ZMIZ1: variants seen among roughly 807,000 people sequenced by gnomAD.
ZMIZ1 encodes the protein zinc finger MIZ domain-containing protein 1.
Under a neutral mutation model 113.9 loss-of-function variants are expected in ZMIZ1, and 17 were observed. The ratio of observed to expected loss-of-function variants is 0.15; its 90% confidence interval spans 0.10 to 0.22. The LOEUF (loss-of-function observed/expected upper bound fraction) is 0.22. ZMIZ1 is among the 10% of genes least tolerant of loss of function. The probability of loss-of-function intolerance (pLI) is 1.00; values close to 1 mark genes in which losing one functional copy is unlikely to be tolerated. For missense variants in ZMIZ1, 1,059 were observed against 1,477.8 expected (o/e 0.72, Z 4.65); for synonymous variants, 607 against 603.1 (o/e 1.01, Z -0.09).
At chr10:79,165,840 C>G (rs1000545432) in intron 4 of ZMIZ1, among the ~76,000 whole-genome samples, 2 of 151,278 alleles carry the variant, frequency 1.3e-5, no homozygotes, top group Non-Finnish European at 2.9e-5. Context: ...CCAGCTCCCC[C>G]TAGGCGGGCC....
intron 7 of ZMIZ1, among the ~76,000 whole-genome samples, chr10:79,230,270 C>T (rs1003207532): frequency 6.6e-6 from 1 of 151,964 alleles, no homozygotes; most frequent in Non-Finnish European, 1.5e-5. Context: ...ACCACTGCTC[C>T]GTGCACCACA....
At chr10:79,242,914 TACTC>T (rs1163636609) in intron 7 of ZMIZ1, among the ~76,000 whole-genome samples, 6 of 151,606 alleles carry the variant, frequency 4.0e-5, no homozygotes, top group Admixed American at 1.3e-4. Flanking sequence ...CTCCGATTCA[TACTC>T]GCTCGCGCTC....
rs1382181190 is a variant in ZMIZ1 at position 79,297,682 on chromosome 10, G to A, written c.1483G>A (p.Val495Ile). Residue 495 changes from valine (V) to isoleucine (I), a missense_variant, in exon 14 of 25, where the codon GTC becomes ATC. Physicochemically the swap from Val to Ile is conservative, Grantham distance 29. Around this residue, in one of 6 missense-constraint regions of ZMIZ1, gnomAD observed 239 missense variants for 247.5 expected, o/e 0.97. Transcript: ENST00000334512. ...SSYSNYSQGNVNRPPRPVPVA... is the reference protein window; with the variant it reads ...SSYSNYSQGNINRPPRPVPVA... ...CTACAGTAACTACAGCCAAGGGAAT[G>A]TCAACAGGGTATGTTCCAATTTAAT... is the stretch of plus-strand genomic sequence containing the variant. The A allele has an allele frequency of 1.9e-6, 3 of 1,613,888 alleles. No individual in the cohort carries two copies. Among genetic ancestry groups the A allele is most frequent in the Admixed American group, 1.7e-5 (1 of 60,008 alleles).
intron 1 of ZMIZ1, among the ~76,000 whole-genome samples, chr10:79,093,301 ATTTATT>A (rs1292317605): frequency 3.0e-5 from 2 of 67,270 alleles, no homozygotes; most frequent in Admixed American, 2.4e-4. Flanking sequence ...TTATTTATTT[ATTTATT>A]TATTTATTTA....
At chr10:79,194,032 A>T (rs562249223) in intron 4 of ZMIZ1, among the ~76,000 whole-genome samples, 1 of 152,332 alleles carries the variant, frequency 6.6e-6, no homozygotes, top group East Asian at 1.9e-4. Context: ...CTGGACCCCT[A>T]GGCTTTCCCT....
At chr10:79,253,664 G>A (rs4980052) in intron 7 of ZMIZ1, among the ~76,000 whole-genome samples, 46,855 of 152,104 alleles carry the variant, frequency 0.31, 8,108 homozygotes, top group Middle Eastern at 0.4. Context: ...TGTCCACCAG[G>A]GCACTGGCAA....
intron 8 of ZMIZ1, among the ~76,000 whole-genome samples, chr10:79,284,528 G>A (rs1048251018): frequency 6.6e-6 from 1 of 152,236 alleles, no homozygotes; most frequent in Non-Finnish European, 1.5e-5. Flanking sequence ...GTATCCTGAA[G>A]TAAACAGGGG....
chr10:79,206,107 A>G lies in ZMIZ1; in HGVS notation c.61-2229A>G, dbSNP rs555119201. Among the ~76,000 whole-genome samples the G allele has an allele frequency of 4.6e-3, 656 of 142,584 alleles. 9 individuals are homozygous for G. Among genetic ancestry groups the G allele is most frequent in the African/African-American group, 0.016 (636 of 38,918 alleles). The allele number at this position is 142,584 out of a possible 152,430, so 93.5% of individuals were successfully genotyped here. A position where few individuals can be genotyped will look rare whatever the true frequency, so the allele number is the denominator to read the frequency against. On this transcript the variant is annotated intron_variant, in intron 5 of 24. Transcript: ENST00000334512. ...TGGGTGACAGAATGAGACCCTGTCC[A>G]AAAAAAAAAAAAAGCCAGCAAAGGG... is the stretch of plus-strand genomic sequence containing the variant.
At chr10:79,270,834 C>G (rs1424565799) in intron 7 of ZMIZ1, among the ~76,000 whole-genome samples, 1 of 152,126 alleles carries the variant, frequency 6.6e-6, no homozygotes, top group Admixed American at 6.5e-5. Context: ...GGGTCTGGGT[C>G]TTGGGCTGTT....
At chr10:79,231,692 T>C (rs1404348395) in intron 7 of ZMIZ1, among the ~76,000 whole-genome samples, 2 of 152,078 alleles carry the variant, frequency 1.3e-5, no homozygotes, top group African/African-American at 4.8e-5. Flanking sequence ...AATTCTCCTA[T>C]CTCCGCCTCC....
intron 21 of ZMIZ1, 37 bp from the exon 22 acceptor site, chr10:79,306,063 C>G: frequency 6.3e-7 from 1 of 1,597,540 alleles, no homozygotes; most frequent in Non-Finnish European, 8.5e-7. Flanking sequence ...AAGCCAGGCA[C>G]CCCGGAGCCT....
chr10:79,194,115 C>T (rs894595432), intron 4 of ZMIZ1, among the ~76,000 whole-genome samples: 1 of 152,232 alleles, frequency 6.6e-6, no homozygotes, highest in Non-Finnish European at 1.5e-5. Context: ...CCACTGGCAC[C>T]GCTTGCCCCA....
At position 79,296,597 on chromosome 10, in the gene ZMIZ1, C is replaced by G; in HGVS notation, c.1357C>G (p.Gln453Glu). 1 of 1,611,812 alleles carries G rather than the reference C, an allele frequency of 6.2e-7. No individual in the cohort carries two copies. The highest frequency in any genetic ancestry group is 8.5e-7 in the Non-Finnish European group (1 of 1,178,708). The change falls in exon 13 of 25, where the codon CAG becomes GAG. Residue 453 changes from glutamine to glutamate, a missense_variant. This residue lies in a region of ZMIZ1 where 239 missense variants were observed against 247.5 expected (regional missense o/e 0.97). Coordinates refer to ENST00000334512, the MANE Select transcript of ZMIZ1 (RefSeq NM_020338.4). This position sits in a 1 kb window ranked among gnomAD's most constrained non-coding sequence, Gnocchi z 4.1. The part of the protein sequence containing the change: ...PNYPGQRMPS[Q>E]PSSGQYPPPT... ...CTACCCAGGACAGAGGATGCCCAGCCAGCCGAGCTCCGGGCAGTACCCGCC... is the reference window on the plus strand; with the variant it reads ...CTACCCAGGACAGAGGATGCCCAGCGAGCCGAGCTCCGGGCAGTACCCGCC...
At chr10:79,075,576 C>CATGCACACATGCACACAT (rs1842443837) in intron 1 of ZMIZ1, among the ~76,000 whole-genome samples, 3 of 149,378 alleles carry the variant, frequency 2.0e-5, no homozygotes, top group South Asian at 4.2e-4. Context: ...CATGCACACA[C>CATGCACACATGCACACAT]ATGCACACAT....
rs201282468 is a variant in ZMIZ1 at position 79,311,143 on chromosome 10, G to A, written c.3055G>A (p.Gly1019Arg). 52 of 1,613,482 alleles carry A rather than the reference G, an allele frequency of 3.2e-5. No individual in the cohort carries two copies. Among genetic ancestry groups the A allele is most frequent in the South Asian group, 7.7e-5 (7 of 91,080 alleles). The change falls in exon 24 of 25, where the codon GGA becomes AGA. Residue 1019 changes from glycine (G) to arginine (R), a missense_variant. Transcript: ENST00000334512. ...CTCCTCAGCCTTAGAGGGTCAGGCC[G>A]GAGCGCAGGGAGCGTCCGACATGCC... ...NPSSALEGQA[G>R]AQGASDMPEP...
At chr10:79,072,923 A>G (rs1425884306) in intron 1 of ZMIZ1, among the ~76,000 whole-genome samples, 1 of 152,226 alleles carries the variant, frequency 6.6e-6, no homozygotes. Context: ...TTTGTCCTTA[A>G]GAGTCCCTCA....
intron 8 of ZMIZ1, among the ~76,000 whole-genome samples, chr10:79,283,973 G>A (rs1852900184): frequency 6.6e-6 from 1 of 152,168 alleles, no homozygotes; most frequent in Non-Finnish European, 1.5e-5. Flanking sequence ...GCTGGATCAG[G>A]GAAATTAATT....
chr10:79,084,445 C>T (rs557749715), intron 1 of ZMIZ1, among the ~76,000 whole-genome samples: 1 of 152,356 alleles, frequency 6.6e-6, no homozygotes, highest in South Asian at 2.1e-4. Flanking sequence ...GGAAGTGTTG[C>T]AACTTCCTGA....
intron 8 of ZMIZ1, among the ~76,000 whole-genome samples, chr10:79,286,248 T>G (rs1462128723): frequency 1.3e-5 from 2 of 152,226 alleles, no homozygotes; most frequent in Non-Finnish European, 2.9e-5. Context: ...AGGCCATGCC[T>G]TTCTGGTAGC....
Sources: gnomAD v4.1 joint callset for allele counts (sites outside exome capture counted in the v4.1 genomes callset) on GRCh38, gnomAD v4.1.1 for gene constraint, gnomAD v4.1.1 regional missense constraint, Gnocchi (gnomAD v3.1) non-coding constraint, MANE v1.5 for transcripts, NCBI Gene and HGNC (gene_info 2026-07-23, HGNC 2026-07-21) for gene names.